SNX13: variants seen among roughly 807,000 people sequenced by gnomAD.
SNX13 encodes sorting nexin 13, also known as sorting nexin-13.
Under a neutral mutation model 133.6 loss-of-function variants are expected in SNX13, and 45 were observed. The observed-to-expected ratio is 0.34, with a 90% CI of 0.27 to 0.43. The LOEUF (loss-of-function observed/expected upper bound fraction) is 0.43, where lower values mean the gene tolerates loss of function less well. SNX13 is among the 20% of genes least tolerant of loss of function. The pLI is 1.00. For synonymous variants in SNX13, 414 were observed against 373.9 expected, an observed-to-expected ratio of 1.11 and a Z score of -1.24; for missense variants, 1,032 against 1,145.1, an observed-to-expected ratio of 0.90 and a Z score of 1.43.
At chr7:17,801,504 T>C (rs1422589387) in intron 22 of SNX13, 84 bp downstream of exon 22, 6 of 969,166 alleles carry the variant, frequency 6.2e-6, no homozygotes, top group Non-Finnish European at 1.6e-6. Context: ...ACATTAATGA[T>C]ACATAGAACA....
At chr7:17,901,331 C>T (rs1414221189) in intron 1 of SNX13, among the ~76,000 whole-genome samples, 1 of 152,136 alleles carries the variant, frequency 6.6e-6, no homozygotes, top group Non-Finnish European at 1.5e-5. Context: ...CAGCTGGTGT[C>T]TCACTGGGTG....
At position 17,906,329 on chromosome 7, in the gene SNX13, T is replaced by C. The variant is rs1420003005; in HGVS notation, c.13-8883A>G. ...ATGATATTAAAATTAACTGCTTAGA[T>C]TCATCTCATAGCTTTTATCATCCCT... is the stretch of plus-strand genomic sequence containing the variant. On this transcript the variant is annotated intron_variant, in intron 1 of 25. Coordinates refer to ENST00000428135, the MANE Select transcript of SNX13 (RefSeq NM_015132.5). Among the ~76,000 whole-genome samples, 6 of 152,274 alleles carry C rather than the reference T, an allele frequency of 3.9e-5. No individual in the cohort carries two copies. In the East Asian group the frequency reaches 1.2e-3, roughly 29 times the overall value.
intron 6 of SNX13, 22 bp from the exon 7 acceptor site, chr7:17,875,603 T>C: frequency 1.2e-6 from 2 of 1,609,434 alleles, no homozygotes; most frequent in East Asian, 2.2e-5. Flanking sequence ...CAATTCAAGA[T>C]ATATAAAATG....
intron 20 of SNX13, among the ~76,000 whole-genome samples, chr7:17,806,692 G>A (rs1266527321): frequency 6.6e-6 from 1 of 151,908 alleles, no homozygotes; most frequent in Admixed American, 6.6e-5. Flanking sequence ...AACAGTTCCG[G>A]TCTGCAGCTC....
chr7:17,867,050 C>T (rs1009103244), intron 9 of SNX13, among the ~76,000 whole-genome samples: 2 of 152,144 alleles, frequency 1.3e-5, no homozygotes, highest in African/African-American at 2.4e-5. Context: ...CAGATTGTCA[C>T]AAATTTGATT....
intron 12 of SNX13, among the ~76,000 whole-genome samples, chr7:17,841,580 A>ACACG (rs1554321874): frequency 1.7e-4 from 26 of 151,392 alleles, no homozygotes; most frequent in Middle Eastern, 3.4e-3. Context: ...ACACACACAC[A>ACACG]CACGCACACA....
At chr7:17,815,194 G>A (rs893522071) in intron 19 of SNX13, among the ~76,000 whole-genome samples, 5 of 152,074 alleles carry the variant, frequency 3.3e-5, no homozygotes, top group Admixed American at 3.3e-4. Context: ...AAAGTTGTCT[G>A]AACATATTTA....
intron 13 of SNX13, among the ~76,000 whole-genome samples, chr7:17,837,834 ATT>A (rs768633108): frequency 6.8e-6 from 1 of 146,350 alleles, no homozygotes. Context: ...CTGGTGACAC[ATT>A]TTTTTTTTTT....
chr7:17,917,580 CA>C (rs1799699991), intron 1 of SNX13, among the ~76,000 whole-genome samples: 1 of 151,696 alleles, frequency 6.6e-6, no homozygotes, highest in Admixed American at 6.6e-5. Flanking sequence ...CCTAGGAATA[CA>C]GCTAATCAAG....
intron 1 of SNX13, among the ~76,000 whole-genome samples, chr7:17,937,387 G>A (rs964061070): frequency 6.6e-6 from 1 of 151,666 alleles, no homozygotes; most frequent in Non-Finnish European, 1.5e-5. Context: ...AGTGGCTCAC[G>A]CCTGTAATCC....
chr7:17,873,807 A>C (rs1794389834), intron 7 of SNX13, among the ~76,000 whole-genome samples, 191 bp from the exon 8 acceptor site: 1 of 152,174 alleles, frequency 6.6e-6, no homozygotes, highest in African/African-American at 2.4e-5. Flanking sequence ...ACTATTCATT[A>C]ATCAACTTAA....
chr7:17,858,441 G>A (rs1469353046), intron 9 of SNX13, among the ~76,000 whole-genome samples: 1 of 151,746 alleles, frequency 6.6e-6, no homozygotes, highest in Non-Finnish European at 1.5e-5. Context: ...TTAAAAATGT[G>A]AAAGATACAT....
At chr7:17,861,750 C>A (rs961650368) in intron 9 of SNX13, among the ~76,000 whole-genome samples, 2 of 152,172 alleles carry the variant, frequency 1.3e-5, no homozygotes, top group Non-Finnish European at 1.5e-5. Context: ...AGGGAAGAAT[C>A]ATGAGAAAAG....
intron 18 of SNX13, among the ~76,000 whole-genome samples, chr7:17,820,220 T>C (rs547079598): frequency 7.9e-5 from 12 of 152,232 alleles, no homozygotes; most frequent in Non-Finnish European, 2.9e-5. Context: ...TAAACTAAAC[T>C]CTCATTAATT....
intron 1 of SNX13, among the ~76,000 whole-genome samples, chr7:17,903,897 A>G (rs976307698): frequency 3.9e-5 from 6 of 152,186 alleles, no homozygotes; most frequent in African/African-American, 1.4e-4. Context: ...TTATCCATGT[A>G]TCTTCTAAAT....
At chr7:17,906,780 G>A (rs1157541766) in intron 1 of SNX13, among the ~76,000 whole-genome samples, 2 of 152,146 alleles carry the variant, frequency 1.3e-5, no homozygotes, top group Non-Finnish European at 1.5e-5. Context: ...TATTTCCACA[G>A]GGTCAACCAA....
At chr7:17,832,520 T>G in intron 15 of SNX13, 3 of 975,820 alleles carry the variant, frequency 3.1e-6, no homozygotes, top group Non-Finnish European at 3.7e-6. Flanking sequence ...TAGATAAAAT[T>G]AGTATAAACA....
At chr7:17,914,852 C>T (rs1377119224) in intron 1 of SNX13, among the ~76,000 whole-genome samples, 2 of 152,138 alleles carry the variant, frequency 1.3e-5, no homozygotes, top group African/African-American at 2.4e-5. Context: ...AACACTATGG[C>T]AGGAACAAAA....
chr7:17,831,080 T>C (rs965233637), intron 15 of SNX13: 9 of 984,338 alleles, frequency 9.1e-6, no homozygotes, highest in African/African-American at 7.0e-5. Context: ...CTACCTCTTC[T>C]GTAGTGTGCC....
Sources: gnomAD v4.1 joint callset for allele counts (sites outside exome capture counted in the v4.1 genomes callset) on GRCh38, gnomAD v4.1.1 for gene constraint, MANE v1.5 for transcripts, NCBI Gene and HGNC (gene_info 2026-07-23, HGNC 2026-07-21) for gene names.